SLC24A2: variants seen among roughly 807,000 people sequenced by gnomAD.
SLC24A2 encodes the protein solute carrier family 24 member 2, also known as sodium/potassium/calcium exchanger 2.
SLC24A2 carries 36 observed loss-of-function variants against 62.0 expected under a neutral mutation model. The observed-to-expected ratio is 0.58, with a 90% CI of 0.44 to 0.77. The LOEUF is 0.77. Ranked by LOEUF, SLC24A2 falls within the 30% of genes least tolerant of loss-of-function variation. SLC24A2 has a pLI of 0.00. For synonymous variants in SLC24A2, 358 were observed against 294.0 expected (o/e 1.22, Z -2.23); for missense variants, 846 against 817.9 (o/e 1.03, Z -0.42).
chr9:19,712,811 A>T (rs892271550), intron 2 of SLC24A2, among the ~76,000 whole-genome samples: 2 of 152,130 alleles, frequency 1.3e-5, no homozygotes, highest in Non-Finnish European at 2.9e-5. Context: ...TCTTTGCTAC[A>T]GGGACCTGCC....
the SLC24A2 span, among the ~76,000 whole-genome samples, chr9:20,000,902 G>T: frequency 6.6e-6 from 1 of 152,132 alleles, no homozygotes; most frequent in Non-Finnish European, 1.5e-5. Flanking sequence ...GACGGAAGGA[G>T]GCAGGAAGCA....
the SLC24A2 span, among the ~76,000 whole-genome samples, chr9:20,231,799 C>T: frequency 3.6e-3 from 531 of 145,562 alleles, 1 homozygote; most frequent in African/African-American, 0.013. Flanking sequence ...GAGAGGGCAT[C>T]CCTGTCTTGT....
At chr9:20,248,792 T>C in the SLC24A2 span, among the ~76,000 whole-genome samples, 3 of 152,254 alleles carry the variant, frequency 2.0e-5, no homozygotes, top group South Asian at 2.1e-4. Flanking sequence ...ATCCTGACAA[T>C]GTACAACTAT....
At chr9:19,781,093 C>G (rs559263760) in intron 2 of SLC24A2, among the ~76,000 whole-genome samples, 1 of 152,062 alleles carries the variant, frequency 6.6e-6, no homozygotes, top group African/African-American at 2.4e-5. Flanking sequence ...AAAGACAATG[C>G]TTGTGAAACT....
intron 3 of SLC24A2, among the ~76,000 whole-genome samples, chr9:19,620,504 GATCCGTTGGC>G (rs1436866192): frequency 6.6e-6 from 1 of 152,202 alleles, no homozygotes; most frequent in Non-Finnish European, 1.5e-5. Flanking sequence ...TACTAGTTGT[GATCCGTTGGC>G]CAAATAAAAG....
At chr9:19,965,679 T>A in the SLC24A2 span, among the ~76,000 whole-genome samples, 6 of 152,174 alleles carry the variant, frequency 3.9e-5, no homozygotes, top group African/African-American at 7.2e-5. Context: ...AAATGCTATT[T>A]TATACCAATC....
chr9:20,124,789 TAGTC>T, the SLC24A2 span, among the ~76,000 whole-genome samples: 1 of 152,204 alleles, frequency 6.6e-6, no homozygotes, highest in South Asian at 2.1e-4. Context: ...CATCTGCTTA[TAGTC>T]AGTAAGTATA....
chr9:19,957,256 C>T, the SLC24A2 span: 1 of 115,162 alleles, frequency 8.7e-6, no homozygotes, highest in East Asian at 2.6e-4. Context: ...CTAGATCTAG[C>T]CTCAGTTTAA....
chr9:19,876,756 C>A, the SLC24A2 span, among the ~76,000 whole-genome samples: 4 of 152,078 alleles, frequency 2.6e-5, no homozygotes, highest in African/African-American at 7.2e-5. Context: ...TTATGGGACA[C>A]CTTGAAACAC....
chr9:19,764,512 C>T (rs1347307413), intron 2 of SLC24A2, among the ~76,000 whole-genome samples: 6 of 152,170 alleles, frequency 3.9e-5, no homozygotes, highest in South Asian at 2.1e-4. Flanking sequence ...TCTTTGTTCT[C>T]ATTGGTTTCA....
the SLC24A2 span, among the ~76,000 whole-genome samples, chr9:19,935,918 G>C: frequency 6.6e-6 from 1 of 152,144 alleles, no homozygotes; most frequent in African/African-American, 2.4e-5. Flanking sequence ...AGGAGAAAAA[G>C]CTTCTCTAAA....
chr9:20,277,846 T>A, the SLC24A2 span, among the ~76,000 whole-genome samples: 20 of 152,292 alleles, frequency 1.3e-4, no homozygotes, highest in South Asian at 1.7e-3. Flanking sequence ...CGAATGTCCA[T>A]CAATGATAGA....
chr9:19,634,281 CTTTTTTTTTT>C (rs35884916), intron 2 of SLC24A2, among the ~76,000 whole-genome samples: 3 of 79,304 alleles, frequency 3.8e-5, no homozygotes, highest in African/African-American at 4.8e-5. Flanking sequence ...ACTGCAGCCT[CTTTTTTTTTT>C]TTTTTTTTTT....
chr9:19,885,429 C>A, the SLC24A2 span, among the ~76,000 whole-genome samples: 1 of 152,166 alleles, frequency 6.6e-6, no homozygotes, highest in South Asian at 2.1e-4. Flanking sequence ...AGAGAACTTA[C>A]AACTTATAAA....
At chr9:19,992,020 G>A in the SLC24A2 span, among the ~76,000 whole-genome samples, 2 of 152,172 alleles carry the variant, frequency 1.3e-5, no homozygotes, top group African/African-American at 4.8e-5. Flanking sequence ...TGAATGGTAT[G>A]CTTCAACCAT....
chr9:19,901,670 G>A, the SLC24A2 span, among the ~76,000 whole-genome samples: 1 of 152,134 alleles, frequency 6.6e-6, no homozygotes, highest in East Asian at 1.9e-4. Flanking sequence ...TAATATTGTA[G>A]TATCTACAAT....
chr9:20,175,255 G>A, the SLC24A2 span, among the ~76,000 whole-genome samples: 2 of 151,770 alleles, frequency 1.3e-5, no homozygotes, highest in East Asian at 3.9e-4. Context: ...AAGGCGGTAG[G>A]GATAAAAAAC....
At chr9:19,977,345 T>C in the SLC24A2 span, among the ~76,000 whole-genome samples, 1 of 152,072 alleles carries the variant, frequency 6.6e-6, no homozygotes, top group African/African-American at 2.4e-5. Context: ...GCGTATTGAA[T>C]ATATTAGAGT....
the SLC24A2 span, among the ~76,000 whole-genome samples, chr9:20,264,368 C>A: frequency 6.6e-6 from 1 of 152,228 alleles, no homozygotes; most frequent in East Asian, 1.9e-4. Flanking sequence ...CCACAGTGGG[C>A]AGGGCCACCA....
Sources: gnomAD v4.1 joint callset for allele counts (sites outside exome capture counted in the v4.1 genomes callset) on GRCh38, gnomAD v4.1.1 for gene constraint, MANE v1.5 for transcripts, NCBI Gene and HGNC (gene_info 2026-07-23, HGNC 2026-07-21) for gene names.